Variants in DPP10 observed in about 807,000 individuals in gnomAD.
DPP10 encodes dipeptidyl peptidase like 10.
A neutral mutation model predicts 120.9 loss-of-function variants in DPP10; 33 were observed. The ratio of observed to expected loss-of-function variants is 0.27; its 90% confidence interval spans 0.21 to 0.37. The LOEUF is 0.37. DPP10 is among the 10% of genes least tolerant of loss of function. The probability of loss-of-function intolerance (pLI) is 1.00; values close to 1 mark genes in which losing one functional copy is unlikely to be tolerated. For synonymous variants in DPP10, 337 were observed against 326.1 expected (o/e 1.03, Z -0.36); for missense variants, 816 against 942.8 (o/e 0.87, Z 1.76).
At chr2:115,708,635 T>C (rs1449835931) in intron 7 of DPP10, among the ~76,000 whole-genome samples, 1 of 152,016 alleles carries the variant, frequency 6.6e-6, no homozygotes, top group Non-Finnish European at 1.5e-5. Flanking sequence ...AGAGCTTTTT[T>C]TGGGGAAAAT....
intron 1 of DPP10, among the ~76,000 whole-genome samples, chr2:114,509,495 G>A (rs146383144): frequency 6.6e-6 from 1 of 152,196 alleles, no homozygotes; most frequent in African/African-American, 2.4e-5. Flanking sequence ...AGCAGGCCTG[G>A]AGACTAAATT....
intron 1 of DPP10, among the ~76,000 whole-genome samples, chr2:115,230,795 A>C (rs1445268866): frequency 6.6e-6 from 1 of 152,064 alleles, no homozygotes; most frequent in Non-Finnish European, 1.5e-5. Flanking sequence ...AGGAAGAAAA[A>C]TCCATAGTAT....
rs542207686 is a variant in DPP10, at chr2:114,870,738, T to C, written c.60+427900T>C. Among the ~76,000 whole-genome samples the C allele has an allele frequency of 2.2e-5, 3 of 136,104 alleles. 1 individual carries two copies. Among genetic ancestry groups the C allele is most frequent in the African/African-American group, 7.7e-5 (3 of 39,078 alleles). The allele number at this position is 136,104 out of a possible 152,430, so 89.3% of individuals were successfully genotyped here. On this transcript the variant is annotated intron_variant, in intron 1 of 25. Transcript: ENST00000410059. ...CAGGTAAGATAAGATTTACAAATAA[T>C]GGAATATCTTTATTAACCCATGGAA... is the stretch of plus-strand genomic sequence containing the variant.
At chr2:115,391,085 A>G (rs926376487) in intron 3 of DPP10, among the ~76,000 whole-genome samples, 2 of 152,216 alleles carry the variant, frequency 1.3e-5, no homozygotes, top group African/African-American at 2.4e-5. Flanking sequence ...AGGCTAATGC[A>G]TATAGGTTTT....
At chr2:115,477,850 A>G (rs923333131) in intron 3 of DPP10, among the ~76,000 whole-genome samples, 5 of 152,142 alleles carry the variant, frequency 3.3e-5, no homozygotes, top group African/African-American at 1.2e-4. Context: ...AGGCTGGGTA[A>G]TTTATAAGGA....
At chr2:115,770,310 C>A (rs1418649721) in intron 13 of DPP10, among the ~76,000 whole-genome samples, 1 of 151,956 alleles carries the variant, frequency 6.6e-6, no homozygotes, top group Non-Finnish European at 1.5e-5. Flanking sequence ...GTCAAACCAG[C>A]CTAATATGTA....
At chr2:114,452,537 G>A (rs1678345808) in intron 1 of DPP10, among the ~76,000 whole-genome samples, 1 of 152,056 alleles carries the variant, frequency 6.6e-6, no homozygotes, top group South Asian at 2.1e-4. Context: ...GGAAAAATAG[G>A]CAAACGTGAG....
intron 1 of DPP10, chr2:114,835,690 G>A (rs533281400): frequency 6.6e-6 from 1 of 152,226 alleles, no homozygotes; most frequent in East Asian, 1.9e-4. Flanking sequence ...AAGAGCATGG[G>A]ATAATAGTAA....
At chr2:115,508,931 T>C (rs1467942693) in intron 4 of DPP10, among the ~76,000 whole-genome samples, 1 of 152,038 alleles carries the variant, frequency 6.6e-6, no homozygotes, top group Non-Finnish European at 1.5e-5. Context: ...GAAATGAAGA[T>C]GACTGCAGAT....
intron 3 of DPP10, among the ~76,000 whole-genome samples, chr2:115,389,276 CAA>C (rs1491310900): frequency 1.1e-4 from 8 of 76,110 alleles, no homozygotes; most frequent in East Asian, 6.6e-4. Flanking sequence ...CACACACACA[CAA>C]ACACACACAC....
chr2:115,570,581 C>G (rs151171576), intron 5 of DPP10, among the ~76,000 whole-genome samples: 35 of 152,296 alleles, frequency 2.3e-4, no homozygotes, highest in African/African-American at 7.5e-4. Context: ...CCATCTCGCT[C>G]TGTCATCTTC....
intron 3 of DPP10, among the ~76,000 whole-genome samples, chr2:115,452,779 C>A (rs1400925784): frequency 6.6e-6 from 1 of 151,724 alleles, no homozygotes; most frequent in Non-Finnish European, 1.5e-5. Context: ...CAAAATAATT[C>A]AGGCAATGTT....
chr2:114,983,938 C>T (rs1336252082), intron 1 of DPP10, among the ~76,000 whole-genome samples: 1 of 152,132 alleles, frequency 6.6e-6, no homozygotes, highest in African/African-American at 2.4e-5. Flanking sequence ...GCTCCAGAGC[C>T]CATGCTTTGA....
At chr2:114,944,539 C>T (rs1034787573) in intron 1 of DPP10, among the ~76,000 whole-genome samples, 17 of 152,124 alleles carry the variant, frequency 1.1e-4, no homozygotes, top group African/African-American at 2.9e-4. Flanking sequence ...CTTATCCAAA[C>T]ATTGAAAATA....
At chr2:115,165,041 C>G (rs903528248) in intron 1 of DPP10, among the ~76,000 whole-genome samples, 1 of 152,196 alleles carries the variant, frequency 6.6e-6, no homozygotes, top group Admixed American at 6.5e-5. Flanking sequence ...CTTGACATGA[C>G]TAGACACAAT....
chr2:115,229,534 T>C (rs1051732935), intron 1 of DPP10, among the ~76,000 whole-genome samples: 25 of 152,142 alleles, frequency 1.6e-4, no homozygotes, highest in African/African-American at 6.0e-4. Flanking sequence ...GATTTTAGTC[T>C]TTTATCCATG....
chr2:114,719,113 G>C (rs945112760), intron 1 of DPP10, among the ~76,000 whole-genome samples: 7 of 152,134 alleles, frequency 4.6e-5, no homozygotes, highest in African/African-American at 1.4e-4. Flanking sequence ...GATTCAACTA[G>C]GAATATCCTG....
chr2:115,766,422 C>T (rs1680770407), intron 12 of DPP10, among the ~76,000 whole-genome samples: 1 of 148,086 alleles, frequency 6.8e-6, no homozygotes. Flanking sequence ...AATTTTGCAC[C>T]AATCTCATAC....
chr2:114,832,253 G>T (rs1391728910), intron 1 of DPP10, among the ~76,000 whole-genome samples: 1 of 152,178 alleles, frequency 6.6e-6, no homozygotes, highest in African/African-American at 2.4e-5. Context: ...TCTGGCCCTG[G>T]CCGGGGGTGG....
Sources: allele counts gnomAD v4.1 joint callset (sites outside exome capture counted in the v4.1 genomes callset), GRCh38; gene constraint gnomAD v4.1.1; transcripts MANE v1.5; gene names NCBI Gene and HGNC (gene_info 2026-07-23, HGNC 2026-07-21).